MSI2: variants seen among roughly 807,000 people sequenced by gnomAD.
MSI2 encodes the protein musashi RNA binding protein 2, also known as RNA-binding protein Musashi homolog 2.
A neutral mutation model predicts 45.6 loss-of-function variants in MSI2; 17 were observed. That is an observed-to-expected ratio of 0.37 (90% confidence interval 0.26 to 0.56). The LOEUF is 0.56. MSI2 is among the 20% of genes least tolerant of loss of function. MSI2 has a pLI of 0.77. For synonymous variants in MSI2, 156 were observed against 158.2 expected (o/e 0.99, Z 0.11); for missense variants, 293 against 444.2 (o/e 0.66, Z 3.06).
chr17:57,471,269 A>G (rs1158648762), intron 6 of MSI2, among the ~76,000 whole-genome samples: 2 of 133,720 alleles, frequency 1.5e-5, no homozygotes, highest in East Asian at 4.4e-4. Context: ...TGCGGCATTT[A>G]TGGAGCACTT....
rs59325307 is a variant in MSI2 at position 57,545,815 on chromosome 17, C to G, written c.454+16091C>G. Among the ~76,000 whole-genome samples the G allele has an allele frequency of 1.6e-3, 243 of 152,230 alleles. 1 individual carries two copies. Among genetic ancestry groups the G allele is most frequent in the African/African-American group, 5.6e-3 (234 of 41,524 alleles). ...AATAACAGGTTTCCCAAGTGCCTGG[C>G]AGAGAAGGGGGTGTATAATGATGAT... On this transcript the variant is annotated intron_variant, in intron 7 of 13. Transcript: ENST00000284073.
At chr17:57,268,564 G>T (rs936522572) in intron 5 of MSI2, 1 of 151,258 alleles carries the variant, frequency 6.6e-6, no homozygotes, top group African/African-American at 2.4e-5. Flanking sequence ...CCAGCCAGGT[G>T]CGGTGGCTCA....
chr17:57,632,107 A>G (rs1166260906), intron 10 of MSI2: 2 of 1,250,882 alleles, frequency 1.6e-6, no homozygotes, highest in Non-Finnish European at 1.0e-6. Flanking sequence ...ACGGGGCCAG[A>G]GGGAAACTTC....
intron 6 of MSI2, among the ~76,000 whole-genome samples, chr17:57,474,106 G>A (rs1237531286): frequency 6.6e-6 from 1 of 152,010 alleles, no homozygotes; most frequent in African/African-American, 2.4e-5. Flanking sequence ...CGAAGTTGGG[G>A]GTATTTGCTG....
chr17:57,609,899 C>T (rs894023312), intron 8 of MSI2, among the ~76,000 whole-genome samples: 52 of 152,316 alleles, frequency 3.4e-4, no homozygotes, highest in African/African-American at 1.2e-3. Context: ...ATAGGCAGAT[C>T]GGGATTAACA....
chr17:57,509,593 G>A (rs11079306), intron 6 of MSI2, among the ~76,000 whole-genome samples: 103,327 of 151,890 alleles, frequency 0.68, 36,078 homozygotes, highest in Non-Finnish European at 0.76. Context: ...GCTAATTTTT[G>A]TATTTTTAGT....
At chr17:57,628,157 CAG>C (rs1219602722) in intron 10 of MSI2, 1 of 152,190 alleles carries the variant, frequency 6.6e-6, no homozygotes, top group Non-Finnish European at 1.5e-5. Context: ...GGTGTAGGGA[CAG>C]AGTCTTGTCC....
chr17:57,363,217 A>G (rs1916946807), intron 5 of MSI2, among the ~76,000 whole-genome samples: 1 of 152,238 alleles, frequency 6.6e-6, no homozygotes, highest in Non-Finnish European at 1.5e-5. Flanking sequence ...TACAATGTGG[A>G]TGGACCTTGA....
intron 6 of MSI2, among the ~76,000 whole-genome samples, chr17:57,490,703 C>T (rs1179666138): frequency 1.3e-5 from 2 of 152,180 alleles, no homozygotes; most frequent in African/African-American, 4.8e-5. Flanking sequence ...GGCCGAGAAG[C>T]GACCATGATC....
intron 6 of MSI2, among the ~76,000 whole-genome samples, chr17:57,497,122 G>A (rs1319464561): frequency 1.3e-5 from 2 of 152,274 alleles, no homozygotes; most frequent in East Asian, 1.9e-4. Context: ...GATTAAAGGT[G>A]CCTGCTACCA....
chr17:57,616,288 T>C, intron 9 of MSI2: 1 of 463,540 alleles, frequency 2.2e-6, no homozygotes, highest in Non-Finnish European at 3.8e-6. Context: ...TGCATGTGTG[T>C]GTGTGTGTGT....
chr17:57,522,825 A>C (rs1427469296), intron 6 of MSI2: 3 of 152,304 alleles, frequency 2.0e-5, no homozygotes, highest in African/African-American at 7.2e-5. Flanking sequence ...CTGCTGAGTT[A>C]CGTACCAGCA....
intron 6 of MSI2, among the ~76,000 whole-genome samples, chr17:57,409,318 G>A (rs907166380): frequency 3.9e-5 from 6 of 152,188 alleles, no homozygotes; most frequent in African/African-American, 1.4e-4. Context: ...GTGTACTTGA[G>A]TGGAAATGAA....
At chr17:57,514,191 A>G (rs920390702) in intron 6 of MSI2, among the ~76,000 whole-genome samples, 2 of 147,780 alleles carry the variant, frequency 1.4e-5, no homozygotes, top group Non-Finnish European at 3.0e-5. Flanking sequence ...AGCGCCTGAC[A>G]GTTTTCCAGC....
At chr17:57,597,466 TAAAAAAAAAAA>T (rs35606406) in intron 8 of MSI2, among the ~76,000 whole-genome samples, 2 of 87,136 alleles carry the variant, frequency 2.3e-5, no homozygotes, top group Non-Finnish European at 4.1e-5. Flanking sequence ...CCTCATCTCT[TAAAAAAAAAAA>T]AAAAAAAAAA....
chr17:57,371,172 T>TA (rs2083414561), intron 5 of MSI2, among the ~76,000 whole-genome samples: 1 of 152,120 alleles, frequency 6.6e-6, no homozygotes, highest in Admixed American at 6.5e-5. Flanking sequence ...ATTAATTAAT[T>TA]AAAAAACAGA....
rs536996768 is a variant in MSI2, at chr17:57,594,700, A to C, written c.455-2168A>C. 4.6e-5 allele frequency among the ~76,000 whole-genome samples: 7 copies of C among 152,240 alleles called. No individual in the cohort carries two copies. In the East Asian group the frequency reaches 1.2e-3, roughly 25 times the overall value. On this transcript the variant is annotated intron_variant, in intron 7 of 13. Transcript: ENST00000284073. ...GGGGTAGGGGGTATAAACCTGGTGA[A>C]AGGTTTTTTTGTTGGACAGCATTTC...
intron 11 of MSI2, among the ~76,000 whole-genome samples, chr17:57,674,239 G>T (rs1193293276): frequency 6.9e-6 from 1 of 145,108 alleles, no homozygotes; most frequent in African/African-American, 2.5e-5. Context: ...GTTATGAATG[G>T]GAAGGGCGGG....
chr17:57,698,331 C>T, the MSI2 span, among the ~76,000 whole-genome samples: 1 of 152,214 alleles, frequency 6.6e-6, no homozygotes, highest in Non-Finnish European at 1.5e-5. Flanking sequence ...CCCTCCCTTG[C>T]CCACTTTCTG....
Sources: gnomAD v4.1 joint callset for allele counts (sites outside exome capture counted in the v4.1 genomes callset) on GRCh38, gnomAD v4.1.1 for gene constraint, MANE v1.5 for transcripts, NCBI Gene and HGNC (gene_info 2026-07-23, HGNC 2026-07-21) for gene names.